TAF12: variants seen among roughly 807,000 people sequenced by gnomAD.
The protein encoded by TAF12 is transcription initiation factor TFIID subunit 12.
Under a neutral mutation model 20.8 loss-of-function variants are expected in TAF12, and 3 were observed. That is an observed-to-expected ratio of 0.14 (90% CI 0.07 to 0.37). The LOEUF (loss-of-function observed/expected upper bound fraction) is 0.37. TAF12 is among the 10% of genes least tolerant of loss of function. TAF12 has a pLI of 1.00. For synonymous variants in TAF12, 69 were observed against 70.2 expected (o/e 0.98, Z 0.09); for missense variants, 131 against 197.9 (o/e 0.66, Z 2.03).
At chr1:28,626,117 T>C (rs1257843908) in intron 1 of TAF12, among the ~76,000 whole-genome samples, 1 of 151,842 alleles carries the variant, frequency 6.6e-6, no homozygotes, top group Non-Finnish European at 1.5e-5. Flanking sequence ...TAGCTGGGAT[T>C]ACAGGCGCAC....
At chr1:28,648,259 T>A in exon 1 of TAF12, 10 of 985,136 alleles carry the variant, frequency 1.0e-5, no homozygotes, top group Non-Finnish European at 1.1e-5. Context: ...CGTGAGCAGT[T>A]GACAAGAAAG....
chr1:28,629,042 G>A (rs1362802626), intron 1 of TAF12, among the ~76,000 whole-genome samples: 1 of 152,230 alleles, frequency 6.6e-6, no homozygotes. Flanking sequence ...CTGCACTCTA[G>A]CTGGGGTGAC....
chr1:28,637,016 T>C (rs1667854367), intron 1 of TAF12, among the ~76,000 whole-genome samples: 1 of 152,116 alleles, frequency 6.6e-6, no homozygotes, highest in African/African-American at 2.4e-5. Flanking sequence ...TCACTCATCC[T>C]GCTGCTAACC....
chr1:28,604,179 A>T (rs959907158), intron 5 of TAF12, among the ~76,000 whole-genome samples: 44 of 152,178 alleles, frequency 2.9e-4, no homozygotes, highest in African/African-American at 1.0e-3. Flanking sequence ...TGCTAGGATT[A>T]CAGGCATGAG....
chr1:28,619,469 G>A (rs939284653), intron 2 of TAF12, among the ~76,000 whole-genome samples: 35 of 146,688 alleles, frequency 2.4e-4, no homozygotes, highest in African/African-American at 8.6e-4. Flanking sequence ...CTGCACTCCA[G>A]CCTGGGCAAC....
At chr1:28,631,853 C>T (rs1359302705) in intron 1 of TAF12, among the ~76,000 whole-genome samples, 2 of 152,062 alleles carry the variant, frequency 1.3e-5, no homozygotes, top group African/African-American at 4.8e-5. Context: ...GGAGAGGATA[C>T]AAAGGAACTG....
intron 1 of TAF12, among the ~76,000 whole-genome samples, chr1:28,625,986 C>T (rs1019174103): frequency 3.5e-5 from 5 of 142,454 alleles, no homozygotes; most frequent in African/African-American, 1.3e-4. Flanking sequence ...AGCCCCGTCT[C>T]TTTTTTTTTT....
chr1:28,630,797 G>A (rs1203243376), intron 1 of TAF12, among the ~76,000 whole-genome samples: 1 of 151,968 alleles, frequency 6.6e-6, no homozygotes, highest in Non-Finnish European at 1.5e-5. Flanking sequence ...TGTAATCCCA[G>A]AACTTTGGGA....
At chr1:28,608,175 C>CAAAAAAA (rs58747974) in intron 4 of TAF12, among the ~76,000 whole-genome samples, 4 of 63,734 alleles carry the variant, frequency 6.3e-5, no homozygotes, top group Admixed American at 2.0e-4. Flanking sequence ...ACTAAAAATA[C>CAAAAAAA]AAAAAAAAAA....
At chr1:28,644,019 C>T (rs569953486), upstream of TAF12, among the ~76,000 whole-genome samples, 166 of 151,662 alleles carry the variant, frequency 1.1e-3, no homozygotes, top group Non-Finnish European at 1.8e-3. Flanking sequence ...CCACTGCACT[C>T]CAGCCTGGGC....
exon 1 of TAF12, chr1:28,648,248 T>C: frequency 2.0e-6 from 2 of 985,258 alleles, no homozygotes; most frequent in Non-Finnish European, 2.4e-6. Context: ...ACGCCTTCTG[T>C]CGTGAGCAGT....
chr1:28,610,957 C>CA (rs1170666206), intron 4 of TAF12, among the ~76,000 whole-genome samples: 766 of 26,644 alleles, frequency 0.029, 38 homozygotes, highest in Non-Finnish European at 0.032. Context: ...GAGACTGTCT[C>CA]AAAAAAAAAA....
At chr1:28,637,723 A>C (rs925354730) in intron 1 of TAF12, among the ~76,000 whole-genome samples, 2 of 152,038 alleles carry the variant, frequency 1.3e-5, no homozygotes, top group Non-Finnish European at 2.9e-5. Flanking sequence ...GTCTGACTTA[A>C]ATTAAGTCCA....
intron 1 of TAF12, among the ~76,000 whole-genome samples, chr1:28,634,233 G>A (rs1667738668): frequency 6.7e-6 from 1 of 149,982 alleles, no homozygotes; most frequent in South Asian, 2.1e-4. Flanking sequence ...GACCAACATG[G>A]TGAAACTCCG....
chr1:28,641,097 C>T lies in TAF12; in HGVS notation c.-85+1895G>A, dbSNP rs570828849. Among the ~76,000 whole-genome samples the T allele has an allele frequency of 3.9e-5, 6 of 151,972 alleles. No individual in the cohort carries two copies. The East Asian group carries it at 1.2e-3, about 29-fold the overall frequency. Reference sequence around the variant, plus strand: ...ACACAAAAATAAAAATAAAGGTTTCCTTACTATTAAGTGACATTTACTGTA... The same window carrying T: ...ACACAAAAATAAAAATAAAGGTTTCTTTACTATTAAGTGACATTTACTGTA... On this transcript the variant is annotated intron_variant, in intron 1 of 5. Coordinates refer to ENST00000373824, the MANE Select transcript of TAF12 (RefSeq NM_005644.4).
chr1:28,603,622 G>C (rs779396304), intron 5 of TAF12, 48 bp from the exon 6 acceptor site: 2 of 1,598,532 alleles, frequency 1.3e-6, no homozygotes, highest in African/African-American at 2.7e-5. Context: ...GCTGGAGTCA[G>C]GAGCTTTCTG....
intron 1 of TAF12, chr1:28,642,567 GCC>G (rs987735191): frequency 3.4e-6 from 3 of 895,184 alleles, no homozygotes; most frequent in Non-Finnish European, 4.0e-6. Context: ...AGTCTTCGCT[GCC>G]CCGTTTCTGA....
At position 28,605,438 on chromosome 1, in the gene TAF12, G is replaced by T. The variant is rs1212854842; in HGVS notation, c.384C>A (p.Ile128=). The T allele has an allele frequency of 6.2e-7, 1 of 1,614,074 alleles. No homozygotes were observed. Among genetic ancestry groups the T allele is most frequent in the South Asian group, 1.1e-5 (1 of 91,082 alleles). The change falls in exon 5 of 6, where the codon ATC becomes ATA. Residue 128 remains isoleucine (I), a synonymous_variant. Coordinates refer to ENST00000373824, the MANE Select transcript of TAF12 (RefSeq NM_005644.4). ...LHLERQWNMW[I]PGFGSEEIRP... ...GGATTTCTTCAGAGCCAAATCCTGG[G>T]ATCCACATGTTCCACTGGCGCTCTG...
At chr1:28,611,318 C>G (rs1276173190) in intron 4 of TAF12, among the ~76,000 whole-genome samples, 2 of 151,980 alleles carry the variant, frequency 1.3e-5, no homozygotes, top group African/African-American at 4.8e-5. Context: ...TTTCAGTGTT[C>G]TTAGACCAGG....
Sources: allele counts gnomAD v4.1 joint callset (sites outside exome capture counted in the v4.1 genomes callset), GRCh38; gene constraint gnomAD v4.1.1; transcripts MANE v1.5; gene names NCBI Gene and HGNC (gene_info 2026-07-23, HGNC 2026-07-21).